The following AUH variants were observed in gnomAD, a reference collection of about 807,000 sequenced individuals.
AUH encodes AU RNA binding methylglutaconyl-CoA hydratase.
In AUH, 29 loss-of-function variants were observed where a neutral mutation model predicts 42.3. The observed-to-expected ratio is 0.69, with a 90% CI of 0.51 to 0.93. The LOEUF (loss-of-function observed/expected upper bound fraction) is 0.93, where lower values mean the gene tolerates loss of function less well. AUH is among the 40% of genes least tolerant of loss of function. AUH has a pLI of 0.00. For missense variants in AUH, 452 were observed against 438.1 expected (o/e 1.03, Z -0.28); for synonymous variants, 174 against 166.4 (o/e 1.05, Z -0.35).
chr9:91,259,933 C>T (rs1313413576), intron 6 of AUH, among the ~76,000 whole-genome samples: 6 of 152,100 alleles, frequency 3.9e-5, no homozygotes, highest in African/African-American at 9.7e-5. Context: ...TTTCCTAATA[C>T]ACCTAAAGTT....
At chr9:91,320,051 C>T (rs1384232389) in intron 4 of AUH, among the ~76,000 whole-genome samples, 1 of 152,178 alleles carries the variant, frequency 6.6e-6, no homozygotes. Context: ...TTCACTGATG[C>T]TAACATACTT....
intron 6 of AUH, among the ~76,000 whole-genome samples, chr9:91,254,084 A>C (rs896395009): frequency 1.3e-5 from 2 of 152,244 alleles, no homozygotes; most frequent in Non-Finnish European, 2.9e-5. Flanking sequence ...TCACAGAAAG[A>C]ACGTTAATAA....
intron 4 of AUH, among the ~76,000 whole-genome samples, chr9:91,307,992 C>T (rs1233269773): frequency 6.6e-6 from 1 of 152,146 alleles, no homozygotes; most frequent in Non-Finnish European, 1.5e-5. Context: ...AAATACACTA[C>T]GTAAGTGTAA....
At chr9:91,338,376 C>T (rs1830844882) in intron 3 of AUH, among the ~76,000 whole-genome samples, 1 of 152,230 alleles carries the variant, frequency 6.6e-6, no homozygotes, top group South Asian at 2.1e-4. Context: ...CCCTCATACA[C>T]TTCCAGCCAT....
chr9:91,324,814 T>C (rs898973781), intron 4 of AUH, among the ~76,000 whole-genome samples: 1 of 151,388 alleles, frequency 6.6e-6, no homozygotes, highest in African/African-American at 2.4e-5. Flanking sequence ...GAATCTATGC[T>C]TATGTACAAG....
chr9:91,309,138 G>A (rs898533797), intron 4 of AUH, among the ~76,000 whole-genome samples: 26 of 151,738 alleles, frequency 1.7e-4, no homozygotes, highest in African/African-American at 3.4e-4. Flanking sequence ...CTGGCCAGGC[G>A]TGGTGGCTCA....
At chr9:91,331,929 T>A (rs559563677) in intron 3 of AUH, among the ~76,000 whole-genome samples, 1 of 152,174 alleles carries the variant, frequency 6.6e-6, no homozygotes, top group Non-Finnish European at 1.5e-5. Context: ...GGCTCCACAG[T>A]GGGTGTTAAC....
chr9:91,220,992 C>A lies in AUH; in HGVS notation c.656G>T (p.Gly219Val). 1 of 1,614,082 alleles carries A rather than the reference C, an allele frequency of 6.2e-7. No individual in the cohort carries two copies. Among genetic ancestry groups the A allele is most frequent in the Non-Finnish European group, 8.5e-7 (1 of 1,180,008 alleles). ...GGCGCGTGGCAATCGCTGTGTCCCC[C>A]CTGAGGGGTGAAAGAGAGAGAAAAG... ...ETKLAIIPGG[G>V]GTQRLPRAIG... The change falls in exon 7 of 10, where the codon GGG (glycine) becomes GTG (valine). Residue 219 changes from glycine (G) to valine (V), a missense_variant and splice_region_variant. Coordinates refer to ENST00000375731, the MANE Select transcript of AUH (RefSeq NM_001698.3).
At chr9:91,283,081 G>A (rs577234371) in intron 6 of AUH, among the ~76,000 whole-genome samples, 15 of 152,234 alleles carry the variant, frequency 9.9e-5, no homozygotes, top group East Asian at 5.8e-4. Context: ...CTGGCAAAAC[G>A]AATCCAGCAG....
chr9:91,287,524 A>G (rs55795101), intron 6 of AUH, among the ~76,000 whole-genome samples: 6,352 of 152,232 alleles, frequency 0.042, 414 homozygotes, highest in African/African-American at 0.14. Flanking sequence ...GTACAGTTCT[A>G]TAACATGTTA....
intron 4 of AUH, among the ~76,000 whole-genome samples, chr9:91,309,587 A>C (rs1828539921): frequency 6.6e-6 from 1 of 152,126 alleles, no homozygotes; most frequent in African/African-American, 2.4e-5. Flanking sequence ...CCATGTTCTC[A>C]CTTATAAGTG....
At chr9:91,258,048 C>T (rs745404280) in intron 6 of AUH, among the ~76,000 whole-genome samples, 2 of 152,092 alleles carry the variant, frequency 1.3e-5, no homozygotes, top group Admixed American at 6.5e-5. Context: ...ATTTACTTTG[C>T]AATGGTCATT....
chr9:91,293,783 C>A (rs1260199095), intron 6 of AUH, among the ~76,000 whole-genome samples: 1 of 152,068 alleles, frequency 6.6e-6, no homozygotes, highest in Non-Finnish European at 1.5e-5. Flanking sequence ...TCAGTGTAGA[C>A]AAAACAGCCT....
intron 6 of AUH, chr9:91,294,836 G>A (rs144081127): frequency 3.1e-4 from 138 of 450,598 alleles, no homozygotes; most frequent in African/African-American, 2.6e-3. Context: ...AATAGAATTA[G>A]AAGAGTAACC....
intron 9 of AUH, 128 bp downstream of exon 9, chr9:91,215,931 A>C (rs1340235249): frequency 3.1e-6 from 3 of 953,274 alleles, no homozygotes; most frequent in Non-Finnish European, 5.0e-6. Flanking sequence ...AACTAATTTC[A>C]ACCCATTTGT....
intron 6 of AUH, among the ~76,000 whole-genome samples, chr9:91,231,860 TA>T (rs1343169329): frequency 6.6e-6 from 1 of 152,144 alleles, no homozygotes. Flanking sequence ...CTCCTGCAGA[TA>T]CTCCATAGTA....
chr9:91,274,811 G>A (rs1006507773), intron 6 of AUH, among the ~76,000 whole-genome samples: 6 of 152,106 alleles, frequency 3.9e-5, no homozygotes, highest in African/African-American at 1.4e-4. Context: ...GGCTAACCAA[G>A]CTTCACCTAA....
At chr9:91,260,477 T>C (rs1369231076) in intron 6 of AUH, among the ~76,000 whole-genome samples, 1 of 152,182 alleles carries the variant, frequency 6.6e-6, no homozygotes, top group African/African-American at 2.4e-5. Context: ...TTACTAGCTG[T>C]ATTTCTCTCC....
At chr9:91,246,239 G>A (rs1028679607) in intron 6 of AUH, among the ~76,000 whole-genome samples, 1 of 152,092 alleles carries the variant, frequency 6.6e-6, no homozygotes, top group Non-Finnish European at 1.5e-5. Context: ...AAAAGAAGAA[G>A]AATACTGACA....
Sources: allele counts gnomAD v4.1 joint callset (sites outside exome capture counted in the v4.1 genomes callset), GRCh38; gene constraint gnomAD v4.1.1; transcripts MANE v1.5; gene names NCBI Gene and HGNC (gene_info 2026-07-23, HGNC 2026-07-21).